Variants in RWDD1 observed in about 807,000 individuals in gnomAD.
The protein encoded by RWDD1 is RWD domain containing 1.
Under a neutral mutation model 31.6 loss-of-function variants are expected in RWDD1, and 17 were observed. That is an observed-to-expected ratio of 0.54 (90% confidence interval 0.37 to 0.81). The LOEUF (loss-of-function observed/expected upper bound fraction) is 0.81, where lower values mean the gene tolerates loss of function less well. Among genes scored for constraint, RWDD1 ranks in the 30% least tolerant of loss-of-function variants. The pLI, the probability that RWDD1 is intolerant of heterozygous loss-of-function variation, is 0.00. For missense variants in RWDD1, 204 were observed against 274.5 expected, an observed-to-expected ratio of 0.74 and a Z score of 1.82; for synonymous variants, 78 against 94.2, an observed-to-expected ratio of 0.83 and a Z score of 0.99.
intron 3 of RWDD1, among the ~76,000 whole-genome samples, chr6:116,586,901 C>T (rs2115333073): frequency 6.6e-6 from 1 of 152,188 alleles, no homozygotes; most frequent in African/African-American, 2.4e-5. Context: ...CTCACATTTG[C>T]TAATACCAGA....
At chr6:116,580,077 A>G (rs143009809) in intron 1 of RWDD1, 5 of 333,456 alleles carry the variant, frequency 1.5e-5, no homozygotes, top group Non-Finnish European at 2.7e-5. Flanking sequence ...AGGGTTATCT[A>G]CCATAGTTAT....
intron 2 of RWDD1, among the ~76,000 whole-genome samples, chr6:116,580,689 TGTGGTTCCTTTGA>T (rs999406024): frequency 6.6e-6 from 1 of 152,146 alleles, no homozygotes; most frequent in Non-Finnish European, 1.5e-5. Flanking sequence ...TCAGTGGTTG[TGTGGTTCCTTTGA>T]GTGACTATTA....
chr6:116,571,630 G>A lies in RWDD1; in HGVS notation c.48G>A (p.Glu16=). Residue 16 remains glutamate, a synonymous_variant, in exon 1 of 7, where the codon GAG becomes GAA. Transcript: ENST00000466444. ...AGCGCAACGAGCTGGAGGCCCTGGA[G>A]TCCATCTACCCTGACTCCTTCACAG... The part of the protein sequence containing the change: ...EEQRNELEAL[E]SIYPDSFTVL... The A allele has an allele frequency of 1.2e-6, 2 of 1,613,678 alleles. No individual in the cohort carries two copies. The highest frequency in any genetic ancestry group is 2.2e-5 in the South Asian group (2 of 91,058).
intron 1 of RWDD1, among the ~76,000 whole-genome samples, chr6:116,574,647 A>ACTTTCTTT (rs3839369): frequency 6.7e-6 from 1 of 150,228 alleles, no homozygotes; most frequent in Admixed American, 6.6e-5. Flanking sequence ...CCAACAACTT[A>ACTTTCTTT]CTTTCTTTCT....
chr6:116,578,189 G>A (rs1239130311), intron 1 of RWDD1, among the ~76,000 whole-genome samples: 1 of 152,046 alleles, frequency 6.6e-6, no homozygotes, highest in African/African-American at 2.4e-5. Context: ...GTAAAATTGG[G>A]GTGATAGTAT....
Position 116,571,576 on chromosome 6 carries a change from G to C in RWDD1, c.-7G>C. On this transcript the variant is annotated 5_prime_UTR_variant, in exon 1 of 7. Coordinates refer to ENST00000466444, the MANE Select transcript of RWDD1 (RefSeq NM_015952.4). ...TGGGCGATCTATGGGCAAGAGCAAG[G>C]GCCACGATGACAGATTACGGCGAGG... 6.2e-7 allele frequency: 1 copy of C among 1,613,100 alleles called. No homozygotes were observed. Among genetic ancestry groups the C allele is most frequent in the Non-Finnish European group, 8.5e-7 (1 of 1,179,684 alleles).
rs943046459 is a variant in RWDD1, at chr6:116,595,025, T to C, written c.*1924T>C. ...TAACAACAGGAATGTTCAGCATTTC[T>C]TTGCAGAGAGAAATCCAAAAGTTTG... On this transcript the variant is annotated 3_prime_UTR_variant, in exon 7 of 7. Coordinates refer to ENST00000466444, the MANE Select transcript of RWDD1 (RefSeq NM_015952.4). The C allele has an allele frequency of 1.3e-5, 2 of 152,228 alleles. No homozygotes were observed. Among genetic ancestry groups the C allele is most frequent in the Non-Finnish European group, 2.9e-5 (2 of 68,030 alleles). 9.4% of individuals were successfully genotyped at this position (152,228 alleles called of 1,614,324 possible). A position where few individuals can be genotyped will look rare whatever the true frequency, so the allele number is the denominator to read the frequency against.
chr6:116,582,387 A>G (rs1311124174), intron 2 of RWDD1, among the ~76,000 whole-genome samples: 2 of 152,062 alleles, frequency 1.3e-5, no homozygotes, highest in Non-Finnish European at 2.9e-5. Flanking sequence ...CATGAAGCAA[A>G]TCCAGTATAA....
chr6:116,590,945 A>G lies in RWDD1; in HGVS notation c.605A>G (p.Glu202Gly). The change falls in exon 6 of 7, where the codon GAG becomes GGG. Residue 202 changes from glutamate (E) to glycine (G), a missense_variant. Coordinates refer to ENST00000466444, the MANE Select transcript of RWDD1 (RefSeq NM_015952.4). ...NLDTSDIQFL[E>G]DAGNNVEVDE... ...GACACATCTGATATCCAGTTCTTGG[A>G]GGATGGTAAGATAATAGTAGAATTC... 2.5e-6 allele frequency: 4 copies of G among 1,578,392 alleles called. No individual in the cohort carries two copies. Among genetic ancestry groups the G allele is most frequent in the Non-Finnish European group, 3.4e-6 (4 of 1,169,400 alleles).
At chr6:116,586,394 G>A (rs946293189) in intron 3 of RWDD1, among the ~76,000 whole-genome samples, 1 of 151,458 alleles carries the variant, frequency 6.6e-6, no homozygotes, top group African/African-American at 2.4e-5. Flanking sequence ...ACCCAAGTTT[G>A]ATCATTTTAT....
intron 1 of RWDD1, chr6:116,572,891 A>C (rs981727745): frequency 6.1e-6 from 6 of 985,304 alleles, no homozygotes; most frequent in African/African-American, 1.7e-5. Context: ...GTATAGCTCC[A>C]GTCCTGTTCA....
chr6:116,583,792 C>G (rs940706099), intron 2 of RWDD1, among the ~76,000 whole-genome samples: 1 of 152,160 alleles, frequency 6.6e-6, no homozygotes, highest in Non-Finnish European at 1.5e-5. Context: ...CTGTTTCTTA[C>G]TGACCTCTAA....
chr6:116,588,720 A>G, intron 3 of RWDD1, 122 bp from the exon 4 acceptor site: 1 of 449,160 alleles, frequency 2.2e-6, no homozygotes, highest in East Asian at 4.7e-5. Context: ...ATATATGCTT[A>G]CTTAAATGAT....
chr6:116,571,553 G>A lies in RWDD1; in HGVS notation c.-30G>A. The A allele has an allele frequency of 6.2e-7, 1 of 1,608,824 alleles. No individual in the cohort carries two copies. Among genetic ancestry groups the A allele is most frequent in the South Asian group, 1.1e-5 (1 of 90,662 alleles). On this transcript the variant is annotated 5_prime_UTR_variant, in exon 1 of 7. Coordinates refer to ENST00000466444, the MANE Select transcript of RWDD1 (RefSeq NM_015952.4). ...CTGCTGCGCGCCGCCTAGGTGTCTG[G>A]GCGATCTATGGGCAAGAGCAAGGGC...
intron 6 of RWDD1, among the ~76,000 whole-genome samples, chr6:116,592,180 G>A (rs901213156): frequency 6.6e-6 from 1 of 150,444 alleles, no homozygotes; most frequent in East Asian, 2.0e-4. Context: ...CTCAAATCTG[G>A]CCCTCATCTA....
At chr6:116,580,227 T>C in intron 1 of RWDD1, 68 bp from the exon 2 acceptor site, 1 of 1,162,810 alleles carries the variant, frequency 8.6e-7, no homozygotes, top group Non-Finnish European at 1.2e-6. Flanking sequence ...GTACTGATAA[T>C]TTGCTAATAA....
intron 1 of RWDD1, chr6:116,574,064 T>A: frequency 2.4e-6 from 2 of 817,932 alleles, no homozygotes; most frequent in Non-Finnish European, 3.0e-6. Flanking sequence ...GTAGCTTGAT[T>A]GCACATTGAT....
rs1294584773 is a variant in RWDD1, at chr6:116,574,650, T to C, written c.73+2995T>C. Among the ~76,000 whole-genome samples the C allele has an allele frequency of 1.4e-4, 12 of 84,902 alleles. No individual in the cohort carries two copies. In the East Asian group the frequency reaches 3.9e-3, roughly 27 times the overall value. The allele number at this position is 84,902 out of a possible 152,430, so 55.7% of individuals were successfully genotyped here. On this transcript the variant is annotated intron_variant, in intron 1 of 6. Coordinates refer to ENST00000466444, the MANE Select transcript of RWDD1 (RefSeq NM_015952.4). ...CTTCCTCTGTGGCCAACAACTTACT[T>C]TCTTTCTTTCTTTCTTTCTCTCTCT...
rs77165075 is a variant in RWDD1, at chr6:116,590,870, CTTT to C, written c.548-5_548-3del. On this transcript the variant is annotated splice_polypyrimidine_tract_variant and intron_variant, in intron 5 of 6. Transcript: ENST00000466444. ...AACTATGCCATTTGAATTAAACATA[CTTT>C]TTTTTTTTTTTTAGGGAAACAACTA... 3.1e-4 allele frequency: 452 copies of C among 1,481,666 alleles called. No individual in the cohort carries two copies. Among genetic ancestry groups the C allele is most frequent in the Admixed American group, 1.4e-3 (56 of 39,588 alleles). 91.8% of individuals were successfully genotyped at this position (1,481,666 alleles called of 1,614,324 possible). A position where few individuals can be genotyped will look rare whatever the true frequency, so the allele number is the denominator to read the frequency against.
Sources: gnomAD v4.1 joint callset for allele counts (sites outside exome capture counted in the v4.1 genomes callset) on GRCh38, gnomAD v4.1.1 for gene constraint, MANE v1.5 for transcripts, NCBI Gene and HGNC (gene_info 2026-07-23, HGNC 2026-07-21) for gene names.